The following SLC20A2 variants were observed in gnomAD, a reference collection of about 807,000 sequenced individuals.
SLC20A2 encodes solute carrier family 20 member 2.
Under a neutral mutation model 61.0 loss-of-function variants are expected in SLC20A2, and 30 were observed. The ratio of observed to expected loss-of-function variants is 0.49; its 90% CI spans 0.37 to 0.67. The LOEUF (loss-of-function observed/expected upper bound fraction) is 0.67. Among genes scored for constraint, SLC20A2 ranks in the 30% least tolerant of loss-of-function variants. The pLI, the probability that SLC20A2 is intolerant of heterozygous loss-of-function variation, is 0.00. For synonymous variants in SLC20A2, 351 were observed against 353.3 expected (o/e 0.99, Z 0.07); for missense variants, 626 against 866.4 (o/e 0.72, Z 3.48).
chr8:42,535,536 C>T (rs16891358), intron 1 of SLC20A2, among the ~76,000 whole-genome samples: 6,872 of 151,980 alleles, frequency 0.045, 517 homozygotes, highest in African/African-American at 0.15. Flanking sequence ...GTAAAAGAAC[C>T]GCAAATAATT....
chr8:42,477,464 C>CTTTTTT (rs56302974), intron 1 of SLC20A2, among the ~76,000 whole-genome samples: 1 of 50,284 alleles, frequency 2.0e-5, no homozygotes, highest in African/African-American at 7.9e-5. Context: ...GGGACAGGGA[C>CTTTTTT]TTTTTTTTTT....
chr8:42,527,106 A>AC (rs1812016210), intron 1 of SLC20A2, among the ~76,000 whole-genome samples: 1 of 150,156 alleles, frequency 6.7e-6, no homozygotes, highest in African/African-American at 2.4e-5. Flanking sequence ...CCTGTCTCAA[A>AC]AAAAAAAAAA....
At chr8:42,451,095 C>T (rs1039595504) in intron 5 of SLC20A2, among the ~76,000 whole-genome samples, 5 of 152,000 alleles carry the variant, frequency 3.3e-5, no homozygotes, top group Admixed American at 6.6e-5. Context: ...TTTCTGATGT[C>T]CTGGTTTCCT....
At chr8:42,482,637 C>T (rs569012324) in intron 1 of SLC20A2, among the ~76,000 whole-genome samples, 2 of 152,270 alleles carry the variant, frequency 1.3e-5, no homozygotes, top group Non-Finnish European at 2.9e-5. Flanking sequence ...AGGAAGATCA[C>T]CTGAGCCTGG....
At chr8:42,429,282 C>T (rs60289180) in intron 9 of SLC20A2, among the ~76,000 whole-genome samples, 2,180 of 152,256 alleles carry the variant, frequency 0.014, 66 homozygotes, top group African/African-American at 0.05. Flanking sequence ...CAAGTGAGAA[C>T]TTAAAACTAG....
chr8:42,430,560 A>C (rs1315707042), intron 8 of SLC20A2, among the ~76,000 whole-genome samples: 1 of 152,038 alleles, frequency 6.6e-6, no homozygotes, highest in Non-Finnish European at 1.5e-5. Context: ...ATGGGGTTTC[A>C]CCATGTTGGC....
At chr8:42,434,822 C>A (rs1187835406) in intron 8 of SLC20A2, among the ~76,000 whole-genome samples, 3 of 152,184 alleles carry the variant, frequency 2.0e-5, no homozygotes, top group Non-Finnish European at 4.4e-5. Context: ...CCCGAGCAGC[C>A]ACTGCCTAGA....
At chr8:42,469,873 A>G (rs1218478506) in intron 2 of SLC20A2, among the ~76,000 whole-genome samples, 2 of 151,294 alleles carry the variant, frequency 1.3e-5, no homozygotes, top group Non-Finnish European at 2.9e-5. Flanking sequence ...GGTTGCAGTG[A>G]GCCGAGATCA....
chr8:42,494,888 C>T (rs1023119246), intron 1 of SLC20A2, among the ~76,000 whole-genome samples: 4 of 152,024 alleles, frequency 2.6e-5, no homozygotes, highest in South Asian at 2.1e-4. Flanking sequence ...GCTCTGTCAC[C>T]CAGGCTGGAG....
Position 42,443,305 on chromosome 8 carries a change from AT to A in SLC20A2, c.730+1340del, listed in dbSNP as rs1586045294. Reference sequence around the variant, plus strand: ...TATATATATATATATATATATATATATATAATAAAATGTATACTTTTTTTTT... The same window carrying A: ...TATATATATATATATATATATATATAATAATAAAATGTATACTTTTTTTTT... On this transcript the variant is annotated intron_variant, in intron 6 of 10. Coordinates refer to ENST00000520262, the MANE Select transcript of SLC20A2 (RefSeq NM_001257180.2). Among the ~76,000 whole-genome samples the A allele has an allele frequency of 4.9e-5, 6 of 122,064 alleles. No homozygotes were observed. The East Asian group carries it at 7.2e-4, about 15-fold the overall frequency. The allele number at this position is 122,064 out of a possible 152,430, so 80.1% of individuals were successfully genotyped here. A position where few individuals can be genotyped will look rare whatever the true frequency, so the allele number is the denominator to read the frequency against.
At chr8:42,421,641 C>T (rs558410165) in intron 10 of SLC20A2, among the ~76,000 whole-genome samples, 6 of 152,190 alleles carry the variant, frequency 3.9e-5, no homozygotes, top group Admixed American at 2.0e-4. Flanking sequence ...CCCGTCTCTA[C>T]TAAAAATACA....
In SLC20A2 at chr8:42,433,111, G is replaced by A. The variant is rs555359624; in HGVS notation, c.1524-2862C>T. Among the ~76,000 whole-genome samples, 12 of 152,048 alleles carry A rather than the reference G, an allele frequency of 7.9e-5. No homozygotes were observed. The South Asian group carries it at 8.3e-4, about 11-fold the overall frequency. ...AAAGCATAACATAAAATTTACCATC[G>A]TAATCATTCTTATTTATAGTTCAGC... On this transcript the variant is annotated intron_variant, in intron 8 of 10. Coordinates refer to ENST00000520262, the MANE Select transcript of SLC20A2 (RefSeq NM_001257180.2).
chr8:42,492,799 T>G (rs552474742), intron 1 of SLC20A2, among the ~76,000 whole-genome samples: 1 of 152,022 alleles, frequency 6.6e-6, no homozygotes, highest in African/African-American at 2.4e-5. Flanking sequence ...TGCCTCAGCC[T>G]CCCAAGTAGC....
At chr8:42,499,892 A>G (rs1454967986) in intron 1 of SLC20A2, among the ~76,000 whole-genome samples, 1 of 152,234 alleles carries the variant, frequency 6.6e-6, no homozygotes, top group South Asian at 2.1e-4. Flanking sequence ...AAAATAGCCC[A>G]AGAACTCAGT....
At chr8:42,421,730 G>C (rs914556620) in intron 10 of SLC20A2, among the ~76,000 whole-genome samples, 12 of 152,152 alleles carry the variant, frequency 7.9e-5, no homozygotes, top group African/African-American at 2.7e-4. Flanking sequence ...CTTGAACCCG[G>C]GAGGTGGAGG....
At chr8:42,499,497 T>C (rs551792476) in intron 1 of SLC20A2, among the ~76,000 whole-genome samples, 1 of 152,330 alleles carries the variant, frequency 6.6e-6, no homozygotes, top group Admixed American at 6.5e-5. Flanking sequence ...ATAAAGCACA[T>C]GCTTCCTAGT....
intron 5 of SLC20A2, among the ~76,000 whole-genome samples, chr8:42,445,206 C>T (rs541561267): frequency 6.6e-6 from 1 of 152,030 alleles, no homozygotes; most frequent in African/African-American, 2.4e-5. Flanking sequence ...GCGGGAGATT[C>T]GTTCGAACCT....
intron 1 of SLC20A2, among the ~76,000 whole-genome samples, chr8:42,512,412 G>A (rs529707939): frequency 3.6e-4 from 55 of 150,864 alleles, no homozygotes; most frequent in African/African-American, 1.0e-3. Context: ...GTGCAGTGGC[G>A]TGATCTCAGC....
chr8:42,422,639 T>A (rs1166800168), intron 10 of SLC20A2, among the ~76,000 whole-genome samples: 1 of 151,824 alleles, frequency 6.6e-6, no homozygotes, highest in Non-Finnish European at 1.5e-5. Flanking sequence ...CCCTAGCCCC[T>A]TTTTGCTTTT....
Sources: allele counts gnomAD v4.1 joint callset (sites outside exome capture counted in the v4.1 genomes callset), GRCh38; gene constraint gnomAD v4.1.1; transcripts MANE v1.5; gene names NCBI Gene and HGNC (gene_info 2026-07-23, HGNC 2026-07-21).